ALDH3B2: variants seen among roughly 807,000 people sequenced by gnomAD.
ALDH3B2 encodes aldehyde dehydrogenase family 3 member B2.
Under a neutral mutation model 36.7 loss-of-function variants are expected in ALDH3B2, and 45 were observed. The ratio of observed to expected loss-of-function variants is 1.23; its 90% CI spans 0.97 to 1.57. The LOEUF (loss-of-function observed/expected upper bound fraction) is 1.57, where lower values mean the gene tolerates loss of function less well. ALDH3B2 is among the 40% of genes most tolerant of loss of function. ALDH3B2 has a pLI of 0.00. For missense variants in ALDH3B2, 464 were observed against 513.3 expected (o/e 0.90, Z 0.93); for synonymous variants, 217 against 226.5 (o/e 0.96, Z 0.38).
intron 2 of ALDH3B2, 69 bp from the exon 3 acceptor site, chr11:67,667,085 A>G: frequency 1.2e-6 from 1 of 858,366 alleles, no homozygotes. Context: ...GAATTTGAGG[A>G]GGGCACACGC....
chr11:67,680,836 A>G (rs748701379), intron 1 of ALDH3B2, among the ~76,000 whole-genome samples: 3 of 152,158 alleles, frequency 2.0e-5, no homozygotes, highest in Non-Finnish European at 2.9e-5. Flanking sequence ...ACTGGGCCCA[A>G]TTTGCTTTTT....
exon 1 of ALDH3B2, chr11:67,674,536 T>C: frequency 6.3e-6 from 1 of 159,726 alleles, no homozygotes; most frequent in Non-Finnish European, 1.4e-5. Flanking sequence ...CCCCCAGGCC[T>C]CAGCCCTGCT....
upstream of ALDH3B2, among the ~76,000 whole-genome samples, chr11:67,677,118 C>A (rs144294817): frequency 7.3e-3 from 1,114 of 152,274 alleles, 10 homozygotes; most frequent in African/African-American, 0.025. Flanking sequence ...CCAGCATCAT[C>A]CTAATACCAA....
At chr11:67,679,925 A>G (rs1856339716) in intron 1 of ALDH3B2, among the ~76,000 whole-genome samples, 1 of 152,186 alleles carries the variant, frequency 6.6e-6, no homozygotes, top group African/African-American at 2.4e-5. Flanking sequence ...TTTCAAAGGA[A>G]AATTATAACA....
upstream of ALDH3B2, among the ~76,000 whole-genome samples, chr11:67,677,488 G>A (rs550755771): frequency 6.6e-6 from 1 of 152,190 alleles, no homozygotes; most frequent in African/African-American, 2.4e-5. Context: ...CAAAACCACA[G>A]CCAACATAAT....
At chr11:67,667,880 T>TCCAGGGAGGGGATCCCCCCC (rs1565247985) in intron 1 of ALDH3B2, 1 of 156,790 alleles carries the variant, frequency 6.4e-6, no homozygotes, top group African/African-American at 2.4e-5. Flanking sequence ...TGACCTCCCC[T>TCCAGGGAGGGGATCCCCCCC]ACTCCAGGGA....
intron 8 of ALDH3B2, 116 bp from the exon 9 acceptor site, chr11:67,663,877 G>C: frequency 1.2e-6 from 1 of 813,826 alleles, no homozygotes; most frequent in Non-Finnish European, 1.9e-6. Context: ...ACCCTCTAAC[G>C]GGCAATAATC....
At chr11:67,679,936 C>T (rs964540308) in intron 1 of ALDH3B2, among the ~76,000 whole-genome samples, 1 of 152,130 alleles carries the variant, frequency 6.6e-6, no homozygotes, top group Non-Finnish European at 1.5e-5. Context: ...AATTATAACA[C>T]TTATTACTAG....
At chr11:67,668,440 A>G (rs1200609748) in intron 1 of ALDH3B2, among the ~76,000 whole-genome samples, 1 of 152,086 alleles carries the variant, frequency 6.6e-6, no homozygotes, top group Non-Finnish European at 1.5e-5. Flanking sequence ...GCTCAGGGGG[A>G]CACTCAAGAG....
At chr11:67,663,596 G>A (rs1037704224) in intron 9 of ALDH3B2, 66 bp downstream of exon 9, 1 of 1,489,386 alleles carries the variant, frequency 6.7e-7, no homozygotes, top group Non-Finnish European at 9.2e-7. Context: ...AGTGAGTGAA[G>A]GGACTTCCTG....
chr11:67,662,984 G>A lies in ALDH3B2; in HGVS notation c.*231C>T. On this transcript the variant is annotated 3_prime_UTR_variant, in exon 10 of 10. Coordinates refer to ENST00000349015, the Ensembl canonical transcript of ALDH3B2. Reference sequence around the variant, plus strand: ...GAATTGGGGAGGGTGGGGTGAGTGAGGACACCTGGCATGTTCTGCGGCCTC... The same window carrying A: ...GAATTGGGGAGGGTGGGGTGAGTGAAGACACCTGGCATGTTCTGCGGCCTC... 7.2e-6 allele frequency: 4 copies of A among 557,586 alleles called. 1 individual carries two copies. 34.5% of individuals were successfully genotyped at this position (557,586 alleles called of 1,614,324 possible).
intron 8 of ALDH3B2, 83 bp downstream of exon 8, chr11:67,664,313 G>C (rs1456237547): frequency 6.3e-7 from 1 of 1,592,886 alleles, no homozygotes; most frequent in Non-Finnish European, 8.5e-7. Context: ...CTAAAGCCTT[G>C]CTGGGAAGGG....
At chr11:67,665,700 A>G (rs765570179) in intron 6 of ALDH3B2, 29 bp from the exon 7 acceptor site, 5 of 1,581,240 alleles carry the variant, frequency 3.2e-6, no homozygotes, top group South Asian at 2.4e-5. Context: ...CAGAGTGGCC[A>G]GTCAGTGACC....
At chr11:67,665,479 C>A in exon 7 of ALDH3B2, 1 of 1,614,058 alleles carries the variant, frequency 6.2e-7, no homozygotes, top group Admixed American at 1.7e-5. Context: ...CTCGGGGCTG[C>A]ACAGGACGTA....
upstream of ALDH3B2, among the ~76,000 whole-genome samples, chr11:67,678,222 A>T (rs1856305351): frequency 6.6e-6 from 1 of 152,132 alleles, no homozygotes; most frequent in African/African-American, 2.4e-5. Flanking sequence ...TTCAAACTAT[A>T]CTCTAAGGCC....
chr11:67,672,772 G>C (rs1057498873), intron 1 of ALDH3B2, among the ~76,000 whole-genome samples: 6 of 151,162 alleles, frequency 4.0e-5, no homozygotes, highest in African/African-American at 1.2e-4. Context: ...ATAATTTTTA[G>C]TAGGGACAGG....
chr11:67,666,279 G>C (rs775801117), intron 5 of ALDH3B2, 37 bp downstream of exon 5: 30 of 1,611,588 alleles, frequency 1.9e-5, no homozygotes, highest in Non-Finnish European at 2.0e-5. Flanking sequence ...GTGATATATG[G>C]GGACGTCGGG....
chr11:67,668,566 G>A (rs557742467), intron 1 of ALDH3B2, among the ~76,000 whole-genome samples: 37 of 152,098 alleles, frequency 2.4e-4, no homozygotes, highest in Non-Finnish European at 4.9e-4. Flanking sequence ...TTGTGTATCC[G>A]TGTGTCTGTG....
chr11:67,669,196 C>G (rs1260096216), intron 1 of ALDH3B2, among the ~76,000 whole-genome samples: 3 of 142,100 alleles, frequency 2.1e-5, no homozygotes, highest in Non-Finnish European at 4.6e-5. Flanking sequence ...ATGTGTGTGT[C>G]TGTGTCTTTG....
Sources: allele counts gnomAD v4.1 joint callset (sites outside exome capture counted in the v4.1 genomes callset), GRCh38; gene constraint gnomAD v4.1.1; transcripts MANE v1.5; gene names NCBI Gene and HGNC (gene_info 2026-07-23, HGNC 2026-07-21).